HLTF: variants seen among roughly 807,000 people sequenced by gnomAD.
HLTF encodes the protein helicase like transcription factor.
HLTF carries 127 observed loss-of-function variants against 129.4 expected under a neutral mutation model. That is an observed-to-expected ratio of 0.98 (90% CI 0.85 to 1.14). The LOEUF (loss-of-function observed/expected upper bound fraction) is 1.14. Ranked by LOEUF, HLTF falls within the 50% of genes most tolerant of loss-of-function variation. The pLI is 0.00. For synonymous variants in HLTF, 332 were observed against 388.8 expected (o/e 0.85, Z 1.72); for missense variants, 1,139 against 1,187.1 (o/e 0.96, Z 0.60).
rs551361517 is a variant in HLTF at position 149,068,170 on chromosome 3, T to A, written c.990+70A>T. The A allele has an allele frequency of 9.7e-5, 64 of 656,940 alleles. 1 individual carries two copies. Among genetic ancestry groups the A allele is most frequent in the Admixed American group, 7.5e-4 (28 of 37,350 alleles). The allele number at this position is 656,940 out of a possible 1,614,324, so 40.7% of individuals were successfully genotyped here. The stretch of plus-strand genomic sequence containing the variant: ...AACACAATTTCTTGGTAGTTTTTTT[T>A]AATGATGAAATTTAAAGATTTCACA... On this transcript the variant is annotated intron_variant, in intron 8 of 24. Transcript: ENST00000310053.
At chr3:149,052,956 A>G (rs899712673) in intron 14 of HLTF, among the ~76,000 whole-genome samples, 17 of 152,226 alleles carry the variant, frequency 1.1e-4, no homozygotes, top group African/African-American at 4.1e-4. Flanking sequence ...TGTATGTATC[A>G]TCCTCTCAAT....
At position 149,069,816 on chromosome 3, in the gene HLTF, TGA is replaced by T. The variant is rs368057813; in HGVS notation, c.894+1434_894+1435del. Among the ~76,000 whole-genome samples the T allele has an allele frequency of 2.2e-3, 339 of 152,352 alleles. 1 individual carries two copies. Among genetic ancestry groups the T allele is most frequent in the African/African-American group, 7.9e-3 (328 of 41,590 alleles). Reference sequence around the variant, plus strand: ...AACTGAGCTTGTCAATGATAAAATGTGAGTTTTCAATAGAAAATTAGAATGTT... The same window carrying T: ...AACTGAGCTTGTCAATGATAAAATGTGTTTTCAATAGAAAATTAGAATGTT... On this transcript the variant is annotated intron_variant, in intron 7 of 24. Transcript: ENST00000310053.
rs779209951 is a variant in HLTF, at chr3:149,071,325, G to A, written c.821C>T (p.Thr274Ile). The change falls in exon 7 of 25, where the codon ACA becomes ATA. Residue 274 changes from threonine to isoleucine, a missense_variant. Physicochemically the swap from Thr to Ile is moderately conservative, Grantham distance 89. Coordinates refer to ENST00000310053, the MANE Select transcript of HLTF (RefSeq NM_003071.4). ...WEQRNDLYYN[T>I]ITNFSEKDRP... The stretch of plus-strand genomic sequence containing the variant: ...GTCCTTCTCAGAAAAATTTGTTATT[G>A]TGTTATAGTATAAGTCATTTCGCTG... The A allele has an allele frequency of 1.9e-5, 30 of 1,612,044 alleles. No individual in the cohort carries two copies. Among genetic ancestry groups the A allele is most frequent in the Non-Finnish European group, 2.5e-5 (30 of 1,178,586 alleles).
intron 17 of HLTF, 112 bp from the exon 18 acceptor site, chr3:149,046,371 G>A (rs1716552134): frequency 1.7e-6 from 1 of 592,490 alleles, no homozygotes; most frequent in Admixed American, 4.0e-5. Context: ...TTCTGTAAAA[G>A]TGTTTTTAAA....
intron 8 of HLTF, 23 bp from the exon 9 acceptor site, chr3:149,064,889 T>TA (rs1718225574): frequency 7.8e-7 from 1 of 1,286,626 alleles, no homozygotes; most frequent in Non-Finnish European, 1.1e-6. Context: ...GCATATTTCT[T>TA]AAACAGTACT....
chr3:149,045,409 C>T (rs1275057208), intron 18 of HLTF, among the ~76,000 whole-genome samples: 1 of 152,094 alleles, frequency 6.6e-6, no homozygotes, highest in Non-Finnish European at 1.5e-5. Context: ...ATAAATTCCT[C>T]GAGTGCAGGC....
intron 2 of HLTF, among the ~76,000 whole-genome samples, chr3:149,078,639 C>T (rs1174015539): frequency 2.0e-5 from 3 of 152,084 alleles, no homozygotes; most frequent in Non-Finnish European, 2.9e-5. Context: ...GGGCGGATCA[C>T]GAGGTCAGGA....
intron 17 of HLTF, among the ~76,000 whole-genome samples, chr3:149,047,770 C>T (rs1716674045): frequency 1.3e-5 from 2 of 152,050 alleles, no homozygotes; most frequent in South Asian, 4.1e-4. Flanking sequence ...GGCTTTGGGG[C>T]TTAGCAACAC....
At chr3:149,039,308 C>G in intron 22 of HLTF, 79 bp from the exon 23 acceptor site, 2 of 1,050,374 alleles carry the variant, frequency 1.9e-6, no homozygotes, top group Non-Finnish European at 2.6e-6. Flanking sequence ...CTACAAATCT[C>G]TTCAATAAAT....
intron 23 of HLTF, among the ~76,000 whole-genome samples, chr3:149,036,972 C>G (rs148096237): frequency 1.3e-5 from 2 of 152,188 alleles, no homozygotes; most frequent in East Asian, 3.9e-4. Flanking sequence ...CTTTTTCATA[C>G]TAATTATTTT....
intron 2 of HLTF, among the ~76,000 whole-genome samples, chr3:149,083,385 T>C (rs1339012019): frequency 3.3e-5 from 5 of 152,184 alleles, no homozygotes; most frequent in African/African-American, 1.2e-4. Context: ...ATGATTACTT[T>C]TTATCAACAC....
At chr3:149,084,065 CAACT>C (rs1306713145) in intron 2 of HLTF, among the ~76,000 whole-genome samples, 1 of 151,920 alleles carries the variant, frequency 6.6e-6, no homozygotes, top group Non-Finnish European at 1.5e-5. Context: ...AAATTCAGCC[CAACT>C]GTCATTAAGT....
At position 149,084,694 on chromosome 3, in the gene HLTF, A is replaced by C; in HGVS notation, c.216T>G (p.Tyr72Ter). 1 of 1,608,558 alleles carries C rather than the reference A, an allele frequency of 6.2e-7. No homozygotes were observed. The highest frequency in any genetic ancestry group is 8.5e-7 in the Non-Finnish European group (1 of 1,174,942). ...SLRGHVVGLRYYTGVVNNNEM... is the reference protein window; with the variant it reads ...SLRGHVVGLR ...CTATTATACTCACTACTCCCGTGTAATAGCGTAGTCCAACCACATGACCTC... is the reference window on the plus strand; with the variant it reads ...CTATTATACTCACTACTCCCGTGTACTAGCGTAGTCCAACCACATGACCTC... The change falls in exon 2 of 25, where the codon TAT (tyrosine) becomes TAG (stop). Residue 72 changes from tyrosine (Y) to a stop codon, truncating the protein, a stop_gained. Transcript: ENST00000310053. LOFTEE classifies it high-confidence loss of function.
intron 19 of HLTF, 110 bp downstream of exon 19, chr3:149,042,056 C>T: frequency 2.1e-6 from 2 of 937,484 alleles, no homozygotes; most frequent in Non-Finnish European, 3.3e-6. Context: ...AAGCAATCTC[C>T]ATTTGACAGA....
At chr3:149,045,410 G>A (rs759686415) in intron 18 of HLTF, among the ~76,000 whole-genome samples, 12 of 151,856 alleles carry the variant, frequency 7.9e-5, no homozygotes, top group South Asian at 2.1e-4. Context: ...TAAATTCCTC[G>A]AGTGCAGGCA....
Position 149,032,290 on chromosome 3 carries a change from G to A in HLTF, c.2960C>T (p.Thr987Ile), listed in dbSNP as rs144381721. ...CATTTCGTCAGCATTTGGTTTTTTA[G>A]TTCCAAAGGCTCCTGCTGCAAGTTC... ...KRELAAGAFG[T>I]KKPNADEMKQ... The change falls in exon 25 of 25, where the codon ACT becomes ATT. Residue 987 changes from threonine to isoleucine, a missense_variant. Thr to Ile is a moderately conservative substitution (Grantham distance 89). Coordinates refer to ENST00000310053, the MANE Select transcript of HLTF (RefSeq NM_003071.4). The A allele has an allele frequency of 3.9e-5, 63 of 1,598,782 alleles. No individual in the cohort carries two copies. The East Asian group carries it at 1.4e-3, about 35-fold the overall frequency.
Position 149,075,028 on chromosome 3 carries a change from C to T in HLTF, c.396-680G>A, listed in dbSNP as rs536799665. On this transcript the variant is annotated intron_variant, in intron 3 of 24. Coordinates refer to ENST00000310053, the MANE Select transcript of HLTF (RefSeq NM_003071.4). Reference sequence around the variant, plus strand: ...TAGCTAAAGGGAGAGTTCCAGTCAACTATTGTCATATGGAAGTGACAACTC... The same window carrying T: ...TAGCTAAAGGGAGAGTTCCAGTCAATTATTGTCATATGGAAGTGACAACTC... 9.3e-4 allele frequency among the ~76,000 whole-genome samples: 142 copies of T among 152,270 alleles called. 1 individual carries two copies. Among genetic ancestry groups the T allele is most frequent in the Non-Finnish European group, 1.7e-3 (119 of 68,026 alleles).
chr3:149,067,175 C>CAT lies in HLTF; in HGVS notation c.990+1063_990+1064dup, dbSNP rs1045549676. Among the ~76,000 whole-genome samples the CAT allele has an allele frequency of 2.1e-3, 310 of 150,842 alleles. 1 individual carries two copies. The highest frequency in any genetic ancestry group is 6.9e-3 in the African/African-American group (283 of 41,166). On this transcript the variant is annotated intron_variant, in intron 8 of 24. Transcript: ENST00000310053. ...TATAAATGTATGTTTATATTATATA[C>CAT]ATATATATATGTATATATATACACA...
intron 23 of HLTF, among the ~76,000 whole-genome samples, chr3:149,036,579 G>A (rs62274646): frequency 2.0e-5 from 3 of 151,870 alleles, no homozygotes; most frequent in Non-Finnish European, 2.9e-5. Context: ...ATGAGCCTCC[G>A]CGCCAGGCCA....
Sources: gnomAD v4.1 joint callset for allele counts (sites outside exome capture counted in the v4.1 genomes callset) on GRCh38, gnomAD v4.1.1 for gene constraint, MANE v1.5 for transcripts, NCBI Gene and HGNC (gene_info 2026-07-23, HGNC 2026-07-21) for gene names.